Variants in RALYL observed in about 807,000 individuals in gnomAD.
RALYL encodes the protein RNA-binding Raly-like protein.
Under a neutral mutation model 35.1 loss-of-function variants are expected in RALYL, and 29 were observed. That is an observed-to-expected ratio of 0.83 (90% CI 0.61 to 1.13). The LOEUF (loss-of-function observed/expected upper bound fraction) is 1.13. Among genes scored for constraint, RALYL ranks in the 50% most tolerant of loss-of-function variants. RALYL has a pLI of 0.00. For synonymous variants in RALYL, 120 were observed against 127.6 expected (o/e 0.94, Z 0.40); for missense variants, 359 against 360.4 (o/e 1.00, Z 0.03).
chr8:84,538,976 G>A (rs1052278559), intron 2 of RALYL, among the ~76,000 whole-genome samples: 3 of 152,188 alleles, frequency 2.0e-5, no homozygotes, highest in Non-Finnish European at 4.4e-5. Flanking sequence ...AAAATATGTG[G>A]CAAACAAATT....
intron 1 of RALYL, among the ~76,000 whole-genome samples, chr8:84,438,423 C>G (rs1251879454): frequency 6.6e-6 from 1 of 152,040 alleles, no homozygotes; most frequent in Non-Finnish European, 1.5e-5. Context: ...GGGTCTCACT[C>G]TGTTGCTCGT....
intron 1 of RALYL, among the ~76,000 whole-genome samples, chr8:84,261,876 G>A (rs1832375541): frequency 6.6e-6 from 1 of 151,868 alleles, no homozygotes; most frequent in South Asian, 2.1e-4. Flanking sequence ...CATTTTTGAA[G>A]TTCATCACAT....
At chr8:84,638,690 A>G (rs1395542860) in intron 2 of RALYL, among the ~76,000 whole-genome samples, 1 of 150,550 alleles carries the variant, frequency 6.6e-6, no homozygotes, top group African/African-American at 2.4e-5. Context: ...GTCTGTCCTC[A>G]ACCCTATGCA....
At chr8:84,618,339 G>A (rs1463227894) in intron 2 of RALYL, among the ~76,000 whole-genome samples, 8 of 151,648 alleles carry the variant, frequency 5.3e-5, no homozygotes, top group Non-Finnish European at 1.0e-4. Flanking sequence ...TATGTGTCGA[G>A]GAATTTATCC....
intron 8 of RALYL, among the ~76,000 whole-genome samples, chr8:84,905,050 A>G (rs1385920034): frequency 1.3e-5 from 2 of 152,170 alleles, no homozygotes; most frequent in South Asian, 2.1e-4. Context: ...GAATTTATTC[A>G]TCTTGCTTAA....
At chr8:84,867,578 G>A (rs1000979315) in intron 6 of RALYL, among the ~76,000 whole-genome samples, 2 of 152,160 alleles carry the variant, frequency 1.3e-5, no homozygotes, top group Admixed American at 6.5e-5. Context: ...CTACACTCCA[G>A]GGTCTAAAAG....
chr8:84,754,067 A>G (rs1208903592), intron 2 of RALYL, among the ~76,000 whole-genome samples: 1 of 151,694 alleles, frequency 6.6e-6, no homozygotes, highest in African/African-American at 2.4e-5. Context: ...AGGTTGCGAA[A>G]ATTTTCTCCC....
At chr8:84,766,510 G>A (rs893867606) in intron 2 of RALYL, among the ~76,000 whole-genome samples, 19 of 146,736 alleles carry the variant, frequency 1.3e-4, no homozygotes, top group Non-Finnish European at 1.8e-4. Context: ...TGGCTAACAC[G>A]GTGAAACCCC....
chr8:84,751,568 T>G (rs1370243093), intron 2 of RALYL, among the ~76,000 whole-genome samples: 3 of 152,060 alleles, frequency 2.0e-5, no homozygotes, highest in Admixed American at 2.0e-4. Context: ...TCTGCCCAAA[T>G]CTCATGTCAA....
chr8:84,350,771 T>G (rs781282513), intron 1 of RALYL, among the ~76,000 whole-genome samples: 5 of 150,332 alleles, frequency 3.3e-5, no homozygotes, highest in African/African-American at 5.0e-5. Flanking sequence ...AGTAGTTTTA[T>G]GTAGACTAAA....
intron 1 of RALYL, among the ~76,000 whole-genome samples, chr8:84,232,982 CT>C (rs1223003780): frequency 6.6e-6 from 1 of 151,866 alleles, no homozygotes; most frequent in Non-Finnish European, 1.5e-5. Flanking sequence ...TTTGTATTTT[CT>C]TTTTTTCTTT....
intron 1 of RALYL, among the ~76,000 whole-genome samples, chr8:84,388,928 C>A (rs1859914843): frequency 6.6e-6 from 1 of 152,110 alleles, no homozygotes; most frequent in Admixed American, 6.5e-5. Context: ...ATGCCTATGT[C>A]CTGAATGGTG....
chr8:84,285,073 T>A (rs572167197), intron 1 of RALYL, among the ~76,000 whole-genome samples: 2 of 152,268 alleles, frequency 1.3e-5, no homozygotes, highest in African/African-American at 4.8e-5. Context: ...GTATATGATG[T>A]TGGAAGGCCA....
chr8:84,661,765 A>G (rs1442774715), intron 2 of RALYL, among the ~76,000 whole-genome samples: 1 of 151,960 alleles, frequency 6.6e-6, no homozygotes, highest in African/African-American at 2.4e-5. Flanking sequence ...CTTTCATTAC[A>G]TATATTTTTT....
At chr8:84,529,211 A>G in intron 1 of RALYL, 88 bp from the exon 2 acceptor site, 1 of 1,403,664 alleles carries the variant, frequency 7.1e-7, no homozygotes, top group South Asian at 1.4e-5. Flanking sequence ...TGTAATATTG[A>G]AAAACTGTTA....
chr8:84,777,480 C>A (rs903113046), intron 3 of RALYL, among the ~76,000 whole-genome samples: 1 of 152,118 alleles, frequency 6.6e-6, no homozygotes, highest in Non-Finnish European at 1.5e-5. Flanking sequence ...TAAGTAAGTT[C>A]TTTTTGTAAC....
intron 5 of RALYL, among the ~76,000 whole-genome samples, chr8:84,859,695 C>CA (rs899291472): frequency 1.3e-5 from 2 of 151,832 alleles, no homozygotes; most frequent in Admixed American, 6.6e-5. Context: ...ACAAAAAATA[C>CA]AAAAAAATTT....
chr8:84,479,063 G>GTGA (rs1442502198), intron 1 of RALYL, among the ~76,000 whole-genome samples: 3 of 104,256 alleles, frequency 2.9e-5, no homozygotes, highest in Non-Finnish European at 5.3e-5. Flanking sequence ...TCCAGCCTAG[G>GTGA]TGACAGAGCA....
intron 1 of RALYL, among the ~76,000 whole-genome samples, chr8:84,313,232 T>C (rs1843128481): frequency 6.6e-6 from 1 of 152,194 alleles, no homozygotes; most frequent in Non-Finnish European, 1.5e-5. Context: ...GCCCTAGACC[T>C]GGCCCACGAA....
Sources: gnomAD v4.1 joint callset for allele counts (sites outside exome capture counted in the v4.1 genomes callset) on GRCh38, gnomAD v4.1.1 for gene constraint, MANE v1.5 for transcripts, NCBI Gene and HGNC (gene_info 2026-07-23, HGNC 2026-07-21) for gene names.